The following ZNF558 variants were observed in gnomAD, a reference collection of about 807,000 sequenced individuals.
The protein encoded by ZNF558 is zinc finger protein 558.
ZNF558 carries 23 observed loss-of-function variants against 37.6 expected under a neutral mutation model. The ratio of observed to expected loss-of-function variants is 0.61; its 90% CI spans 0.44 to 0.87. The LOEUF (loss-of-function observed/expected upper bound fraction) is 0.87, where lower values mean the gene tolerates loss of function less well. ZNF558 is among the 40% of genes least tolerant of loss of function. The pLI is 0.00. For missense variants in ZNF558, 429 were observed against 483.7 expected (o/e 0.89, Z 1.06); for synonymous variants, 189 against 174.4 (o/e 1.08, Z -0.66).
chr19:8,826,978 C>T (rs2145292916), intron 2 of ZNF558, among the ~76,000 whole-genome samples: 1 of 152,260 alleles, frequency 6.6e-6, no homozygotes, highest in Admixed American at 6.5e-5. Flanking sequence ...ACAGTAGTTC[C>T]AGTCACTGAG....
the ZNF558 span, among the ~76,000 whole-genome samples, chr19:8,837,389 C>T: frequency 6.6e-6 from 1 of 152,156 alleles, no homozygotes. Context: ...TGTCAATGTA[C>T]ATTTAGTTAT....
At chr19:8,837,617 C>T in the ZNF558 span, among the ~76,000 whole-genome samples, 1 of 152,118 alleles carries the variant, frequency 6.6e-6, no homozygotes, top group Non-Finnish European at 1.5e-5. Flanking sequence ...TTGCCTCAAG[C>T]CTTGTGACAG....
Position 8,811,024 on chromosome 19 carries a change from A to G in ZNF558, c.*257T>C, listed in dbSNP as rs1439997580. The G allele has an allele frequency of 7.5e-6, 3 of 397,778 alleles. No individual in the cohort carries two copies. Among genetic ancestry groups the G allele is most frequent in the East Asian group, 4.4e-5 (1 of 22,484 alleles). The allele number at this position is 397,778 out of a possible 1,614,324, so 24.6% of individuals were successfully genotyped here. A position where few individuals can be genotyped will look rare whatever the true frequency, so the allele number is the denominator to read the frequency against. On this transcript the variant is annotated 3_prime_UTR_variant, in exon 10 of 10. Transcript: ENST00000601372. ...TCATCAGTAAAGATGTTAGATGACTATAGCTTTGGCTGACATCTTGATTGT... is the reference window on the plus strand; with the variant it reads ...TCATCAGTAAAGATGTTAGATGACTGTAGCTTTGGCTGACATCTTGATTGT...
At chr19:8,816,150 T>A (rs1181134467) in intron 7 of ZNF558, among the ~76,000 whole-genome samples, 2 of 151,998 alleles carry the variant, frequency 1.3e-5, no homozygotes, top group African/African-American at 4.8e-5. Context: ...CACTGCAGCC[T>A]TAATCTCCTG....
chr19:8,834,921 A>G (rs2044438366), upstream of ZNF558, among the ~76,000 whole-genome samples: 1 of 152,236 alleles, frequency 6.6e-6, no homozygotes, highest in Non-Finnish European at 1.5e-5. Flanking sequence ...ACCATCAAGA[A>G]AAAAGACAAA....
At chr19:8,820,938 A>G (rs1057407758) in intron 7 of ZNF558, among the ~76,000 whole-genome samples, 1 of 152,150 alleles carries the variant, frequency 6.6e-6, no homozygotes, top group African/African-American at 2.4e-5. Context: ...AGTAACGGGT[A>G]TTGGCTGCTT....
At chr19:8,832,994 GCTGA>G (rs2044400201), upstream of ZNF558, 1 of 153,232 alleles carries the variant, frequency 6.5e-6, no homozygotes, top group Non-Finnish European at 1.4e-5. Context: ...TGGGGGCGGG[GCTGA>G]CTGTGGGCGG....
At chr19:8,812,181 AC>A (rs1356923883) in intron 9 of ZNF558, 118 bp from the exon 10 acceptor site, 6 of 1,016,162 alleles carry the variant, frequency 5.9e-6, no homozygotes, top group African/African-American at 1.6e-5. Flanking sequence ...TATTTTGGCT[AC>A]TTTCAGTGGT....
At chr19:8,812,732 G>C (rs966932989) in intron 8 of ZNF558, 89 bp from the exon 9 acceptor site, 2 of 734,132 alleles carry the variant, frequency 2.7e-6, no homozygotes, top group Non-Finnish European at 2.1e-6. Context: ...GAGGGATCAG[G>C]GTTTTTGAGG....
In ZNF558 at chr19:8,816,359, G is replaced by A. The variant is rs189269458; in HGVS notation, c.248-3137C>T. Among the ~76,000 whole-genome samples, 631 of 152,148 alleles carry A rather than the reference G, an allele frequency of 4.1e-3. 1 individual carries two copies. The highest frequency in any genetic ancestry group is 6.5e-3 in the Non-Finnish European group (444 of 68,024). ...ATTATAGGCGTGAACCATTGCAGCC[G>A]GCATCAAACACATATTAATCAAACT... On this transcript the variant is annotated intron_variant, in intron 7 of 9. Transcript: ENST00000601372.
chr19:8,811,081 C>T lies in ZNF558; in HGVS notation c.*200G>A, dbSNP rs1278461474. On this transcript the variant is annotated 3_prime_UTR_variant, in exon 10 of 10. Transcript: ENST00000601372. ...AGGCATGAGAGATCCTGCAGTGTAACTACAGAGATAAGCTGTTCTTGAATT... is the reference window on the plus strand; with the variant it reads ...AGGCATGAGAGATCCTGCAGTGTAATTACAGAGATAAGCTGTTCTTGAATT... 2.6e-5 allele frequency: 14 copies of T among 546,506 alleles called. No homozygotes were observed. Among genetic ancestry groups the T allele is most frequent in the African/African-American group, 5.7e-5 (3 of 52,540 alleles). 33.9% of individuals were successfully genotyped at this position (546,506 alleles called of 1,614,324 possible).
intron 4 of ZNF558, among the ~76,000 whole-genome samples, chr19:8,823,066 C>T (rs2044134742): frequency 6.6e-6 from 1 of 152,034 alleles, no homozygotes; most frequent in African/African-American, 2.4e-5. Context: ...TCCATAACTC[C>T]TCCCACCTCC....
In ZNF558 at chr19:8,810,302, T is replaced by C. The variant is rs1353557674; in HGVS notation, c.*979A>G. ...AGTTTGCTCAGTAATGTGAACACTT[T>C]TGCTGTAGGGTATTCCGCATTTCTG... is the stretch of plus-strand genomic sequence containing the variant. On this transcript the variant is annotated 3_prime_UTR_variant, in exon 10 of 10. Coordinates refer to ENST00000601372, the MANE Select transcript of ZNF558 (RefSeq NM_144693.3). 1 of 152,278 alleles carries C rather than the reference T, an allele frequency of 6.6e-6. No individual in the cohort carries two copies. The highest frequency in any genetic ancestry group is 1.5e-5 in the Non-Finnish European group (1 of 68,052). The allele number at this position is 152,278 out of a possible 1,614,324, so 9.4% of individuals were successfully genotyped here.
At chr19:8,820,163 G>C (rs1247766980) in intron 7 of ZNF558, among the ~76,000 whole-genome samples, 1 of 152,164 alleles carries the variant, frequency 6.6e-6, no homozygotes, top group African/African-American at 2.4e-5. Context: ...AGAGAAGCTG[G>C]AACCCTCCTG....
At chr19:8,836,981 T>C (rs1466916599), upstream of ZNF558, among the ~76,000 whole-genome samples, 1 of 152,094 alleles carries the variant, frequency 6.6e-6, no homozygotes, top group African/African-American at 2.4e-5. Context: ...AACCACACAC[T>C]CCTTTACAAA....
At chr19:8,825,345 C>A (rs768978799) in intron 2 of ZNF558, among the ~76,000 whole-genome samples, 7 of 152,034 alleles carry the variant, frequency 4.6e-5, no homozygotes, top group Non-Finnish European at 8.8e-5. Context: ...AAAGTGATTG[C>A]GGTTTTTGCC....
At chr19:8,815,861 G>A (rs2043924190) in intron 7 of ZNF558, among the ~76,000 whole-genome samples, 1 of 151,960 alleles carries the variant, frequency 6.6e-6, no homozygotes, top group Admixed American at 6.6e-5. Context: ...TGAGACCTTT[G>A]GGATACCATC....
Position 8,811,653 on chromosome 19 carries a change from G to GA in ZNF558, c.836dup (p.Thr280HisfsTer5). On this transcript the variant is annotated frameshift_variant, in exon 10 of 10. Transcript: ENST00000601372. LOFTEE classifies it high-confidence loss of function. ...CTGTATGAATGCTATTGTGCCCAGTGAGAGAGGACCTTGTGCTGAAAGCTT... is the reference window on the plus strand; with the variant it reads ...CTGTATGAATGCTATTGTGCCCAGTGAAGAGAGGACCTTGTGCTGAAAGCTT... 5.0e-6 allele frequency: 8 copies of GA among 1,614,194 alleles called. No homozygotes were observed. Among genetic ancestry groups the GA allele is most frequent in the Non-Finnish European group, 6.8e-6 (8 of 1,180,032 alleles).
At position 8,822,745 on chromosome 19, in the gene ZNF558, C is replaced by G; in HGVS notation, c.-65-21G>C. 1 of 1,604,544 alleles carries G rather than the reference C, an allele frequency of 6.2e-7. No individual in the cohort carries two copies. On this transcript the variant is annotated intron_variant, in intron 4 of 9. Transcript: ENST00000601372. The surrounding 1 kb of genome is among the most constrained non-coding windows in gnomAD (Gnocchi z 4.4). ...GCGCTCTGGAAGAAACGGGAATGCT[C>G]CAAGTCTCCGTGGCCTCCTCCCTCT...
Sources: allele counts gnomAD v4.1 joint callset (sites outside exome capture counted in the v4.1 genomes callset), GRCh38; gene constraint gnomAD v4.1.1; non-coding constraint Gnocchi (gnomAD v3.1); transcripts MANE v1.5; gene names NCBI Gene and HGNC (gene_info 2026-07-23, HGNC 2026-07-21).